Variants in CACNG2 observed in about 807,000 individuals in gnomAD.
The protein encoded by CACNG2 is calcium voltage-gated channel auxiliary subunit gamma 2.
A neutral mutation model predicts 25.9 loss-of-function variants in CACNG2; 3 were observed. The observed-to-expected ratio is 0.12, with a 90% CI of 0.05 to 0.30. The LOEUF is 0.30. CACNG2 is among the 10% of genes least tolerant of loss of function. The pLI, the probability that CACNG2 is intolerant of heterozygous loss-of-function variation, is 1.00. For missense variants in CACNG2, 341 were observed against 432.5 expected (o/e 0.79, Z 1.88); for synonymous variants, 167 against 173.3 (o/e 0.96, Z 0.29).
intron 1 of CACNG2, among the ~76,000 whole-genome samples, chr22:36,629,950 G>A (rs1936243095): frequency 6.6e-6 from 1 of 152,180 alleles, no homozygotes; most frequent in African/African-American, 2.4e-5. Flanking sequence ...GGTAGCCAGG[G>A]AGTCCATCTC....
intron 1 of CACNG2, among the ~76,000 whole-genome samples, chr22:36,646,743 C>A (rs1936529760): frequency 6.6e-6 from 1 of 151,694 alleles, no homozygotes; most frequent in South Asian, 2.1e-4. Flanking sequence ...CTTTTCTTCC[C>A]CCTGGGCTCC....
chr22:36,671,676 G>A (rs1462232832), intron 1 of CACNG2, among the ~76,000 whole-genome samples: 1 of 152,190 alleles, frequency 6.6e-6, no homozygotes, highest in African/African-American at 2.4e-5. Flanking sequence ...ACTGAAGGGA[G>A]AGGGTTGACC....
chr22:36,670,892 A>G (rs1000466868), intron 1 of CACNG2, among the ~76,000 whole-genome samples: 2 of 150,996 alleles, frequency 1.3e-5, no homozygotes, highest in Non-Finnish European at 2.9e-5. Context: ...AGGCAGTCAG[A>G]ATTGCAGGCC....
At chr22:36,612,042 G>A (rs1218870497) in intron 1 of CACNG2, among the ~76,000 whole-genome samples, 3 of 152,200 alleles carry the variant, frequency 2.0e-5, no homozygotes, top group Admixed American at 1.3e-4. Flanking sequence ...GGGCTTAATG[G>A]TAAGCACTTT....
In CACNG2 at chr22:36,564,977, G is replaced by A. The variant is rs1935102299; in HGVS notation, c.437-91C>T. On this transcript the variant is annotated intron_variant, in intron 3 of 3. Coordinates refer to ENST00000300105, the MANE Select transcript of CACNG2 (RefSeq NM_006078.5). The surrounding 1 kb of genome is among the most constrained non-coding windows in gnomAD (Gnocchi z 6.7). The stretch of plus-strand genomic sequence containing the variant: ...CCACAGGGCAGCCGTAAAGGACGGG[G>A]ACAGCTGTGTGGGCCTTCCCCGGTC... The A allele has an allele frequency of 8.2e-7, 1 of 1,222,338 alleles. No homozygotes were observed. Among genetic ancestry groups the A allele is most frequent in the Non-Finnish European group, 1.2e-6 (1 of 839,466 alleles). The allele number at this position is 1,222,338 out of a possible 1,614,324, so 75.7% of individuals were successfully genotyped here. A position where few individuals can be genotyped will look rare whatever the true frequency, so the allele number is the denominator to read the frequency against.
chr22:36,674,054 G>A (rs1936991335), intron 1 of CACNG2, among the ~76,000 whole-genome samples: 1 of 152,236 alleles, frequency 6.6e-6, no homozygotes. Context: ...CACAGGCCTG[G>A]TGGTGCCCAT....
At chr22:36,641,364 A>G (rs1160671942) in intron 1 of CACNG2, among the ~76,000 whole-genome samples, 2 of 152,236 alleles carry the variant, frequency 1.3e-5, no homozygotes, top group Non-Finnish European at 2.9e-5. Flanking sequence ...CAAATGAACA[A>G]GTTCCCAGTA....
intron 1 of CACNG2, among the ~76,000 whole-genome samples, chr22:36,642,941 G>T (rs1414020659): frequency 6.6e-6 from 1 of 152,188 alleles, no homozygotes; most frequent in Non-Finnish European, 1.5e-5. Context: ...AGCAAGCCAT[G>T]AAACAGTTGT....
chr22:36,692,842 A>C (rs1318340754), intron 1 of CACNG2, among the ~76,000 whole-genome samples: 1 of 152,160 alleles, frequency 6.6e-6, no homozygotes, highest in East Asian at 1.9e-4. Flanking sequence ...CTAAAAAAAT[A>C]AAAATACAAA....
At position 36,680,732 on chromosome 22, in the gene CACNG2, A is replaced by G. The variant is rs1054517494; in HGVS notation, c.211+21634T>C. Among the ~76,000 whole-genome samples, 175 of 22,440 alleles carry G rather than the reference A, an allele frequency of 7.8e-3. 1 individual carries two copies. The highest frequency in any genetic ancestry group is 0.012 in the Non-Finnish European group (127 of 10,566). The allele number at this position is 22,440 out of a possible 152,430, so 14.7% of individuals were successfully genotyped here. On this transcript the variant is annotated intron_variant, in intron 1 of 3. Transcript: ENST00000300105. ...CACCATCACCATCACCACTACCATC[A>G]CCATCACCACCACCACTACCACCAC...
At chr22:36,622,154 G>A (rs1331455164) in intron 1 of CACNG2, among the ~76,000 whole-genome samples, 1 of 152,248 alleles carries the variant, frequency 6.6e-6, no homozygotes, top group African/African-American at 2.4e-5. Context: ...CTAGTCGGTG[G>A]AGGGGCAGGA....
At chr22:36,642,820 T>A (rs1015337961) in intron 1 of CACNG2, among the ~76,000 whole-genome samples, 1 of 152,222 alleles carries the variant, frequency 6.6e-6, no homozygotes, top group Non-Finnish European at 1.5e-5. Flanking sequence ...CCAGCACCGA[T>A]GCAAAGCTAC....
At chr22:36,569,304 C>T (rs1269866356) in intron 2 of CACNG2, among the ~76,000 whole-genome samples, 1 of 152,080 alleles carries the variant, frequency 6.6e-6, no homozygotes, top group Non-Finnish European at 1.5e-5. Flanking sequence ...AGAGAAACTC[C>T]CCTGCCACCC....
chr22:36,572,398 A>G lies in CACNG2; in HGVS notation c.296-5905T>C, dbSNP rs185317609. Reference sequence around the variant, plus strand: ...AGTTGTAGCACATAAACAGCCATAAACAATATGTAAACAAATGAACGTGGT... The same window carrying G: ...AGTTGTAGCACATAAACAGCCATAAGCAATATGTAAACAAATGAACGTGGT... On this transcript the variant is annotated intron_variant, in intron 2 of 3. Coordinates refer to ENST00000300105, the MANE Select transcript of CACNG2 (RefSeq NM_006078.5). Among the ~76,000 whole-genome samples the G allele has an allele frequency of 2.0e-5, 3 of 152,324 alleles. No individual in the cohort carries two copies. The East Asian group carries it at 5.8e-4, about 29-fold the overall frequency.
At chr22:36,613,154 C>CTGTG (rs199852721) in intron 1 of CACNG2, among the ~76,000 whole-genome samples, 1,947 of 73,950 alleles carry the variant, frequency 0.026, 31 homozygotes, top group African/African-American at 0.05. Context: ...ATTACAGGCT[C>CTGTG]TCTGTGTGTG....
intron 1 of CACNG2, among the ~76,000 whole-genome samples, chr22:36,699,977 C>G (rs535432588): frequency 6.6e-6 from 1 of 152,364 alleles, no homozygotes; most frequent in African/African-American, 2.4e-5. Context: ...AAATTAAAGG[C>G]CCGGTCAAAA....
rs113672638 is a variant in CACNG2 at position 36,698,442 on chromosome 22, C to T, written c.211+3924G>A. ...AGAAGGCAAGCGTGTCTGGGAAAGG[C>T]TATTGGCTTTCCTAAAATAAAAGAT... On this transcript the variant is annotated intron_variant, in intron 1 of 3. Coordinates refer to ENST00000300105, the MANE Select transcript of CACNG2 (RefSeq NM_006078.5). Among the ~76,000 whole-genome samples the T allele has an allele frequency of 3.5e-3, 526 of 152,286 alleles. 6 individuals are homozygous for T. Among genetic ancestry groups the T allele is most frequent in the African/African-American group, 0.012 (502 of 41,554 alleles).
At chr22:36,608,926 G>A (rs1302316108) in intron 1 of CACNG2, among the ~76,000 whole-genome samples, 1 of 152,136 alleles carries the variant, frequency 6.6e-6, no homozygotes. Flanking sequence ...ATCACAGGAA[G>A]GCCTGGCATT....
intron 1 of CACNG2, among the ~76,000 whole-genome samples, chr22:36,660,729 G>A (rs1045759227): frequency 7.9e-5 from 12 of 152,378 alleles, no homozygotes; most frequent in Admixed American, 2.6e-4. Flanking sequence ...ACCCAGGGCT[G>A]GGAGGTGTGG....
Sources: allele counts gnomAD v4.1 joint callset (sites outside exome capture counted in the v4.1 genomes callset), GRCh38; gene constraint gnomAD v4.1.1; non-coding constraint Gnocchi (gnomAD v3.1); transcripts MANE v1.5; gene names NCBI Gene and HGNC (gene_info 2026-07-23, HGNC 2026-07-21).